ZZZ3: variants seen among roughly 807,000 people sequenced by gnomAD.
The protein encoded by ZZZ3 is ZZ-type zinc finger-containing protein 3.
Under a neutral mutation model 95.2 loss-of-function variants are expected in ZZZ3, and 22 were observed. The ratio of observed to expected loss-of-function variants is 0.23; its 90% CI spans 0.17 to 0.33. ZZZ3 has a LOEUF of 0.33. Among genes scored for constraint, ZZZ3 ranks in the 10% least tolerant of loss-of-function variants. The pLI is 1.00. For missense variants in ZZZ3, 885 were observed against 1,066.5 expected (o/e 0.83, Z 2.37); for synonymous variants, 335 against 358.9 (o/e 0.93, Z 0.75).
chr1:77,604,083 G>A (rs1042516510), intron 5 of ZZZ3, among the ~76,000 whole-genome samples: 10 of 152,164 alleles, frequency 6.6e-5, no homozygotes, highest in African/African-American at 1.4e-4. Flanking sequence ...TGGGAGGATC[G>A]CTTGAGCCCA....
chr1:77,625,054 G>C (rs1395170354), intron 5 of ZZZ3, among the ~76,000 whole-genome samples: 1 of 152,164 alleles, frequency 6.6e-6, no homozygotes, highest in Non-Finnish European at 1.5e-5. Flanking sequence ...TACTGAGACA[G>C]AGTGAGTATA....
intron 5 of ZZZ3, among the ~76,000 whole-genome samples, chr1:77,603,366 A>G (rs1306432411): frequency 6.6e-6 from 1 of 152,220 alleles, no homozygotes; most frequent in Non-Finnish European, 1.5e-5. Context: ...GGAATGAGCC[A>G]CCATGCCTGG....
chr1:77,641,821 CTAAGA>C (rs1668801620), intron 1 of ZZZ3, among the ~76,000 whole-genome samples, 166 bp from the exon 2 acceptor site: 1 of 152,174 alleles, frequency 6.6e-6, no homozygotes, highest in African/African-American at 2.4e-5. Flanking sequence ...CTTCAACAAA[CTAAGA>C]TGATTGGCTA....
intron 1 of ZZZ3, among the ~76,000 whole-genome samples, chr1:77,662,957 T>C (rs985446154): frequency 6.6e-6 from 1 of 151,932 alleles, no homozygotes; most frequent in African/African-American, 2.4e-5. Context: ...AACAAAACAT[T>C]AGCCAGGCAT....
In ZZZ3 at chr1:77,632,908, T is replaced by G; in HGVS notation, c.447A>C (p.Thr149=). 1 of 1,614,194 alleles carries G rather than the reference T, an allele frequency of 6.2e-7. No individual in the cohort carries two copies. The highest frequency in any genetic ancestry group is 8.5e-7 in the Non-Finnish European group (1 of 1,180,026). ...SDKESVEQRS[T]VVDNDADFQG... is the part of the protein sequence containing the mutation. ...GAAAATCTGCATCATTGTCCACTACTGTACTCCTCTGTTCTACTGACTCCT... is the reference window on the plus strand; with the variant it reads ...GAAAATCTGCATCATTGTCCACTACGGTACTCCTCTGTTCTACTGACTCCT... The change falls in exon 5 of 15, where the codon ACA becomes ACC. Residue 149 remains threonine, a synonymous_variant. Coordinates refer to ENST00000370801, the MANE Select transcript of ZZZ3 (RefSeq NM_015534.6).
intron 1 of ZZZ3, among the ~76,000 whole-genome samples, chr1:77,667,669 C>A (rs1671360566): frequency 6.6e-6 from 1 of 151,960 alleles, no homozygotes; most frequent in Non-Finnish European, 1.5e-5. Flanking sequence ...TGTTTCCTAG[C>A]CCTAAACACT....
chr1:77,642,725 C>T (rs1243130317), intron 1 of ZZZ3, among the ~76,000 whole-genome samples: 1 of 152,122 alleles, frequency 6.6e-6, no homozygotes, highest in East Asian at 1.9e-4. Flanking sequence ...TGCACTACAG[C>T]CCAGGCAACA....
At chr1:77,609,151 C>T (rs1665530302) in intron 5 of ZZZ3, among the ~76,000 whole-genome samples, 1 of 151,968 alleles carries the variant, frequency 6.6e-6, no homozygotes, top group Admixed American at 6.6e-5. Context: ...ACACACTTCA[C>T]CTATAAAGAC....
At chr1:77,619,134 A>G (rs1332099848) in intron 5 of ZZZ3, among the ~76,000 whole-genome samples, 1 of 152,196 alleles carries the variant, frequency 6.6e-6, no homozygotes, top group African/African-American at 2.4e-5. Context: ...ATTCTATGAA[A>G]CAATCCACTG....
At chr1:77,607,852 A>T (rs1013516927) in intron 5 of ZZZ3, among the ~76,000 whole-genome samples, 1 of 149,662 alleles carries the variant, frequency 6.7e-6, no homozygotes, top group Non-Finnish European at 1.5e-5. Context: ...TCTGGGAGGC[A>T]GAGGTTGCAG....
In ZZZ3 at chr1:77,668,539, TATA is replaced by T. The variant is rs563032046; in HGVS notation, c.-403+14043_-403+14045del. On this transcript the variant is annotated intron_variant, in intron 1 of 14. Transcript: ENST00000370801. ...ATAAGTAGAAAGTACCATATCTATT[TATA>T]ATAAGGAAAACAAAGCTTAGAAATA... 1.3e-3 allele frequency among the ~76,000 whole-genome samples: 194 copies of T among 151,828 alleles called. 4 individuals are homozygous for T. Among genetic ancestry groups the T allele is most frequent in the African/African-American group, 4.6e-3 (191 of 41,366 alleles).
intron 1 of ZZZ3, among the ~76,000 whole-genome samples, chr1:77,654,062 C>T (rs1349386604): frequency 1.3e-5 from 2 of 151,680 alleles, no homozygotes; most frequent in Non-Finnish European, 2.9e-5. Context: ...GTAGCAGGCG[C>T]CTGTAGTCCC....
intron 12 of ZZZ3, among the ~76,000 whole-genome samples, chr1:77,574,305 G>C (rs1301818234): frequency 6.6e-6 from 1 of 151,768 alleles, no homozygotes; most frequent in East Asian, 1.9e-4. Context: ...GTGAGACAAA[G>C]GAAGTAAGTA....
intron 1 of ZZZ3, among the ~76,000 whole-genome samples, chr1:77,658,178 CAAAAAAAAAAAA>C (rs1186224710): frequency 3.9e-5 from 3 of 76,314 alleles, no homozygotes; most frequent in African/African-American, 4.8e-5. Context: ...GACTTTGTCT[CAAAAAAAAAAAA>C]AAAAAAAAAA....
At chr1:77,582,998 A>G (rs1662682648) in intron 6 of ZZZ3, among the ~76,000 whole-genome samples, 1 of 152,026 alleles carries the variant, frequency 6.6e-6, no homozygotes, top group African/African-American at 2.4e-5. Context: ...CCAGATACTC[A>G]GGAGGCTGAG....
At chr1:77,604,087 G>C (rs527431012) in intron 5 of ZZZ3, among the ~76,000 whole-genome samples, 226 of 152,320 alleles carry the variant, frequency 1.5e-3, no homozygotes, top group African/African-American at 5.3e-3. Flanking sequence ...AGGATCGCTT[G>C]AGCCCAGGAT....
chr1:77,591,670 G>A (rs1240985207), intron 5 of ZZZ3, among the ~76,000 whole-genome samples: 1 of 152,120 alleles, frequency 6.6e-6, no homozygotes, highest in Non-Finnish European at 1.5e-5. Context: ...GAAGTCAATG[G>A]TGATCAAAAG....
At position 77,563,212 on chromosome 1, in the gene ZZZ3, AAT is replaced by A. The variant is rs1660561974; in HGVS notation, c.*2426_*2427del. ...ATCAGGAAATAGATCTTATCTACTG[AAT>A]ACCACTGAATAAGCAATGCTTTAGC... On this transcript the variant is annotated 3_prime_UTR_variant, in exon 15 of 15. Coordinates refer to ENST00000370801, the MANE Select transcript of ZZZ3 (RefSeq NM_015534.6). The A allele has an allele frequency of 2.0e-5, 3 of 152,338 alleles. No individual in the cohort carries two copies. The South Asian group carries it at 6.2e-4, about 32-fold the overall frequency. 9.4% of individuals were successfully genotyped at this position (152,338 alleles called of 1,614,324 possible).
chr1:77,583,929 A>G (rs1231943071), intron 6 of ZZZ3, among the ~76,000 whole-genome samples: 1 of 152,200 alleles, frequency 6.6e-6, no homozygotes, highest in East Asian at 1.9e-4. Context: ...GTTAAGTATT[A>G]AACACGAAAG....
Sources: gnomAD v4.1 joint callset for allele counts (sites outside exome capture counted in the v4.1 genomes callset) on GRCh38, gnomAD v4.1.1 for gene constraint, MANE v1.5 for transcripts, NCBI Gene and HGNC (gene_info 2026-07-23, HGNC 2026-07-21) for gene names.